Variants in ARHGAP15 observed in about 807,000 individuals in gnomAD.
ARHGAP15 encodes Rho GTPase activating protein 15.
ARHGAP15 carries 51 observed loss-of-function variants against 63.7 expected under a neutral mutation model. The ratio of observed to expected loss-of-function variants is 0.80; its 90% confidence interval spans 0.64 to 1.01. The LOEUF is 1.01. Ranked by LOEUF, ARHGAP15 falls within the 50% of genes least tolerant of loss-of-function variation. The probability of loss-of-function intolerance (pLI) is 0.00; values close to 1 mark genes in which losing one functional copy is unlikely to be tolerated. For missense variants in ARHGAP15, 560 were observed against 564.6 expected, an observed-to-expected ratio of 0.99 and a Z score of 0.08; for synonymous variants, 191 against 193.8, an observed-to-expected ratio of 0.99 and a Z score of 0.12.
chr2:143,360,760 A>G (rs1686013018), intron 6 of ARHGAP15, among the ~76,000 whole-genome samples: 1 of 152,226 alleles, frequency 6.6e-6, no homozygotes. Flanking sequence ...AGAGTTAAGT[A>G]CTAATAAATA....
chr2:143,167,999 C>T (rs546114846), intron 2 of ARHGAP15, among the ~76,000 whole-genome samples: 265 of 152,106 alleles, frequency 1.7e-3, no homozygotes, highest in African/African-American at 6.1e-3. Flanking sequence ...AAAATAACAA[C>T]TGTTGGTCAT....
chr2:143,673,783 T>TATATAA (rs1331843273), intron 12 of ARHGAP15, among the ~76,000 whole-genome samples: 4 of 121,122 alleles, frequency 3.3e-5, no homozygotes, highest in African/African-American at 1.1e-4. Context: ...TATATATATA[T>TATATAA]AAACAACTCC....
At chr2:143,470,973 A>T (rs796471713) in intron 8 of ARHGAP15, among the ~76,000 whole-genome samples, 2 of 146,116 alleles carry the variant, frequency 1.4e-5, no homozygotes, top group Non-Finnish European at 3.0e-5. Context: ...ATGTGTGTAC[A>T]TACACACGTG....
At chr2:143,464,076 C>G (rs1691088793) in intron 8 of ARHGAP15, among the ~76,000 whole-genome samples, 1 of 152,096 alleles carries the variant, frequency 6.6e-6, no homozygotes, top group South Asian at 2.1e-4. Context: ...TTTCAAAGAA[C>G]AAGATTATAA....
chr2:143,259,184 T>A (rs538367896), intron 6 of ARHGAP15, among the ~76,000 whole-genome samples: 3 of 152,152 alleles, frequency 2.0e-5, no homozygotes, highest in African/African-American at 7.2e-5. Context: ...ATGTGTAGGA[T>A]GTACTGATAG....
rs971327081 is a variant in ARHGAP15 at position 143,603,433 on chromosome 2, A to G, written c.1004-20700A>G. On this transcript the variant is annotated intron_variant, in intron 11 of 13. Transcript: ENST00000295095. ...GGACGCAGCTGCAGGCCACCTGTAG[A>G]GAAAGTCAAATTAGGGAGAGACCCC... 4.6e-5 allele frequency among the ~76,000 whole-genome samples: 7 copies of G among 152,326 alleles called. No individual in the cohort carries two copies. In the East Asian group the frequency reaches 1.4e-3, roughly 29 times the overall value.
intron 12 of ARHGAP15, among the ~76,000 whole-genome samples, chr2:143,700,678 A>T (rs1211209000): frequency 6.6e-6 from 1 of 151,986 alleles, no homozygotes; most frequent in Non-Finnish European, 1.5e-5. Context: ...GAATGAATAT[A>T]TATATATGAG....
At chr2:143,663,242 G>A (rs1238818640) in intron 12 of ARHGAP15, among the ~76,000 whole-genome samples, 2 of 146,856 alleles carry the variant, frequency 1.4e-5, no homozygotes, top group Non-Finnish European at 3.0e-5. Flanking sequence ...CAAGCCAGAA[G>A]AGAGTGGGGG....
intron 6 of ARHGAP15, among the ~76,000 whole-genome samples, chr2:143,378,958 T>C (rs1004188243): frequency 1.3e-5 from 2 of 151,920 alleles, no homozygotes; most frequent in South Asian, 4.1e-4. Flanking sequence ...TTGGAACCAA[T>C]AAGGTTTTTT....
At chr2:143,749,199 G>A (rs1206792033) in intron 13 of ARHGAP15, among the ~76,000 whole-genome samples, 2 of 152,170 alleles carry the variant, frequency 1.3e-5, no homozygotes, top group Non-Finnish European at 2.9e-5. Context: ...TCTGCATTCT[G>A]CCTGCAGTGG....
chr2:143,531,794 A>G (rs891560836), intron 10 of ARHGAP15, among the ~76,000 whole-genome samples: 1 of 152,234 alleles, frequency 6.6e-6, no homozygotes, highest in African/African-American at 2.4e-5. Flanking sequence ...GTGGAATAAA[A>G]TTGTACATTA....
chr2:143,620,381 G>A (rs923897995), intron 11 of ARHGAP15, among the ~76,000 whole-genome samples: 1 of 152,010 alleles, frequency 6.6e-6, no homozygotes, highest in Non-Finnish European at 1.5e-5. Context: ...TTACCAATTT[G>A]TTTTGTATCT....
chr2:143,311,278 TC>T (rs1683436017), intron 6 of ARHGAP15, among the ~76,000 whole-genome samples: 1 of 143,580 alleles, frequency 7.0e-6, no homozygotes, highest in African/African-American at 2.6e-5. Context: ...TTAATCCTCT[TC>T]CCCTCCCTTT....
intron 6 of ARHGAP15, among the ~76,000 whole-genome samples, chr2:143,413,103 A>G (rs571926322): frequency 6.6e-6 from 1 of 152,282 alleles, no homozygotes; most frequent in South Asian, 2.1e-4. Flanking sequence ...TTTGTTGTCA[A>G]TTGTTTATTA....
intron 6 of ARHGAP15, among the ~76,000 whole-genome samples, chr2:143,258,224 G>A (rs1680521441): frequency 6.6e-6 from 1 of 151,516 alleles, no homozygotes; most frequent in Admixed American, 6.6e-5. Flanking sequence ...AGGTAATGAA[G>A]CTGGATCTGA....
intron 5 of ARHGAP15, among the ~76,000 whole-genome samples, chr2:143,242,414 G>A (rs1693899386): frequency 1.3e-5 from 2 of 152,162 alleles, no homozygotes; most frequent in South Asian, 4.1e-4. Context: ...GAAATAAATT[G>A]CCTTTTTAAT....
intron 2 of ARHGAP15, among the ~76,000 whole-genome samples, chr2:143,161,367 A>G (rs1318856097): frequency 6.6e-6 from 1 of 151,968 alleles, no homozygotes; most frequent in Non-Finnish European, 1.5e-5. Flanking sequence ...GCAGAGGGGT[A>G]ATTAAAATTC....
chr2:143,455,997 T>C (rs1690632434), intron 8 of ARHGAP15, among the ~76,000 whole-genome samples: 1 of 151,944 alleles, frequency 6.6e-6, no homozygotes, highest in African/African-American at 2.4e-5. Flanking sequence ...AGGAAGCAAA[T>C]ACTACCCATT....
chr2:143,557,408 A>G (rs889955522), intron 11 of ARHGAP15, among the ~76,000 whole-genome samples: 1 of 152,120 alleles, frequency 6.6e-6, no homozygotes, highest in Non-Finnish European at 1.5e-5. Flanking sequence ...GATTCCAACA[A>G]TATACTGGGA....
Sources: allele counts gnomAD v4.1 joint callset (sites outside exome capture counted in the v4.1 genomes callset), GRCh38; gene constraint gnomAD v4.1.1; transcripts MANE v1.5; gene names NCBI Gene and HGNC (gene_info 2026-07-23, HGNC 2026-07-21).